GALNT15: variants seen among roughly 807,000 people sequenced by gnomAD.
GALNT15 encodes the protein UDP-GalNAc transferase T15.
In GALNT15, 67 loss-of-function variants were observed where a neutral mutation model predicts 66.8. The ratio of observed to expected loss-of-function variants is 1.00; its 90% CI spans 0.82 to 1.23. GALNT15 has a LOEUF of 1.23. Among genes scored for constraint, GALNT15 ranks in the 50% most tolerant of loss-of-function variants. GALNT15 has a pLI of 0.00. For synonymous variants in GALNT15, 313 were observed against 311.5 expected (o/e 1.00, Z -0.05); for missense variants, 827 against 804.3 (o/e 1.03, Z -0.34).
At chr3:16,205,879 T>G (rs2063751047) in intron 3 of GALNT15, among the ~76,000 whole-genome samples, 1 of 152,106 alleles carries the variant, frequency 6.6e-6, no homozygotes. Context: ...TCATGATTAA[T>G]CACTCTTGTA....
At position 16,200,722 on chromosome 3, in the gene GALNT15, G is replaced by A. The variant is rs7638396; in HGVS notation, c.810G>A (p.Gly270=). ...RLGAIRARML[G]ATRATGDVLV... is the part of the protein sequence containing the mutation. ...GTGCCATCAGGGCCCGGATGCTGGGGGCCACCAGAGCCACCGGGGATGTGC... is the reference window on the plus strand; with the variant it reads ...GTGCCATCAGGGCCCGGATGCTGGGAGCCACCAGAGCCACCGGGGATGTGC... Residue 270 remains glycine, a synonymous_variant, in exon 3 of 10, where the codon GGG becomes GGA. Transcript: ENST00000339732. This position sits in a 1 kb window ranked among gnomAD's most constrained non-coding sequence, Gnocchi z 4.4. 92,269 of 1,611,696 alleles carry A rather than the reference G, an allele frequency of 0.057. 3,535 individuals are homozygous for A. Among genetic ancestry groups the A allele is most frequent in the African/African-American group, 0.19 (14,358 of 74,828 alleles).
chr3:16,216,454 G>A (rs1296085467), intron 6 of GALNT15, among the ~76,000 whole-genome samples: 4 of 149,348 alleles, frequency 2.7e-5, no homozygotes, highest in Admixed American at 6.7e-5. Context: ...AGCTGATATC[G>A]CCCCACTGCA....
intron 6 of GALNT15, among the ~76,000 whole-genome samples, chr3:16,215,916 A>AAACAAAACAAAACAAAAAAAAAC (rs1019009823): frequency 4.2e-5 from 6 of 143,454 alleles, no homozygotes; most frequent in Non-Finnish European, 7.6e-5. Flanking sequence ...CAAAAAAAAA[A>AAACAAAACAAAACAAAAAAAAAC]AAAAAAAAAG....
chr3:16,212,283 G>T (rs984151104), intron 5 of GALNT15, among the ~76,000 whole-genome samples: 2 of 152,050 alleles, frequency 1.3e-5, no homozygotes, highest in Admixed American at 1.3e-4. Flanking sequence ...TCTAAGTGCT[G>T]GACCTGCATG....
At position 16,175,057 on chromosome 3, in the gene GALNT15, C is replaced by A. The variant is rs2063389560; in HGVS notation, c.-95C>A. 4.0e-6 allele frequency: 5 copies of A among 1,263,048 alleles called. No homozygotes were observed. The Admixed American group carries it at 9.2e-5, about 23-fold the overall frequency. 78.2% of individuals were successfully genotyped at this position (1,263,048 alleles called of 1,614,324 possible). ...CTGGCAGAAAAACTTCCAGGTGGAA[C>A]AAGCAACCCAGGTTCTGCTGCAAGC... On this transcript the variant is annotated 5_prime_UTR_variant, in exon 1 of 10. Coordinates refer to ENST00000339732, the MANE Select transcript of GALNT15 (RefSeq NM_054110.5). The surrounding 1 kb of genome is among the most constrained non-coding windows in gnomAD (Gnocchi z 5.6).
chr3:16,198,361 A>G (rs1304917472), intron 2 of GALNT15, among the ~76,000 whole-genome samples: 1 of 140,552 alleles, frequency 7.1e-6, no homozygotes, highest in Non-Finnish European at 1.6e-5. Context: ...GAAAAAAAAA[A>G]TTAGTAAAAT....
chr3:16,233,081 C>T (rs2064099103), downstream of GALNT15, among the ~76,000 whole-genome samples: 1 of 88,628 alleles, frequency 1.1e-5, no homozygotes, highest in Admixed American at 1.2e-4. Context: ...CTATGTCTTA[C>T]AGGATAATGC....
At chr3:16,246,455 A>G in the GALNT15 span, among the ~76,000 whole-genome samples, 7 of 149,886 alleles carry the variant, frequency 4.7e-5, no homozygotes, top group Admixed American at 4.7e-4. Flanking sequence ...CCTCCTGAGT[A>G]GCTGGGACTA....
At chr3:16,210,910 G>A (rs1032346480) in intron 4 of GALNT15, among the ~76,000 whole-genome samples, 2 of 152,188 alleles carry the variant, frequency 1.3e-5, no homozygotes, top group African/African-American at 4.8e-5. Context: ...AGTATAGAAG[G>A]CCCAGGCAAG....
At chr3:16,207,935 A>C (rs1395334541) in intron 3 of GALNT15, among the ~76,000 whole-genome samples, 65 of 152,146 alleles carry the variant, frequency 4.3e-4, no homozygotes, top group Admixed American at 4.3e-3. Context: ...CATTCTACAA[A>C]TGAGGAAACT....
At position 16,188,033 on chromosome 3, in the gene GALNT15, G is replaced by A. The variant is rs555383882; in HGVS notation, c.540-7727G>A. Among the ~76,000 whole-genome samples the A allele has an allele frequency of 4.6e-5, 7 of 152,312 alleles. No individual in the cohort carries two copies. In the East Asian group the frequency reaches 1.2e-3, roughly 25 times the overall value. ...GAGAGAAGGGAGAGACTTGTCCAAG[G>A]CCCCTTATCTCCATTCCCTCAAGGG... On this transcript the variant is annotated intron_variant, in intron 1 of 9. Transcript: ENST00000339732. This position sits in a 1 kb window ranked among gnomAD's most constrained non-coding sequence, Gnocchi z 4.6.
Position 16,211,652 on chromosome 3 carries a change from C to T in GALNT15, c.1197+411C>T, listed in dbSNP as rs1036218704. Among the ~76,000 whole-genome samples, 1 of 152,334 alleles carries T rather than the reference C, an allele frequency of 6.6e-6. No individual in the cohort carries two copies. Among genetic ancestry groups the T allele is most frequent in the Admixed American group, 6.5e-5 (1 of 15,312 alleles). On this transcript the variant is annotated intron_variant, in intron 5 of 9. Transcript: ENST00000339732. The surrounding 1 kb of genome is among the most constrained non-coding windows in gnomAD (Gnocchi z 4.3). ...AACAATGTAATACTTGTCATAAAAA[C>T]TTAGCACCTGTTGGGCACCACACAA...
chr3:16,198,055 C>T (rs1364836647), intron 2 of GALNT15, among the ~76,000 whole-genome samples: 1 of 142,808 alleles, frequency 7.0e-6, no homozygotes, highest in Non-Finnish European at 1.6e-5. Context: ...CAGTGAAGGA[C>T]TATATTTGGC....
At chr3:16,233,092 A>ATTTTTTT (rs771943641), downstream of GALNT15, among the ~76,000 whole-genome samples, 4 of 48,072 alleles carry the variant, frequency 8.3e-5, no homozygotes, top group Non-Finnish European at 1.3e-4. Context: ...AGGATAATGC[A>ATTTTTTT]TCTTTTTTTT....
rs1282871192 is a variant in GALNT15, at chr3:16,186,314, A to T, written c.540-9446A>T. On this transcript the variant is annotated intron_variant, in intron 1 of 9. Coordinates refer to ENST00000339732, the MANE Select transcript of GALNT15 (RefSeq NM_054110.5). The surrounding 1 kb of genome is among the most constrained non-coding windows in gnomAD (Gnocchi z 5.1). ...CAAGTGCTGACAAGGATGTGGAGAA[A>T]TTGGAACCCTCACACATTGCTGGTG... Among the ~76,000 whole-genome samples, 2 of 152,228 alleles carry T rather than the reference A, an allele frequency of 1.3e-5. No individual in the cohort carries two copies. Among genetic ancestry groups the T allele is most frequent in the Non-Finnish European group, 2.9e-5 (2 of 68,036 alleles).
At chr3:16,232,645 A>G (rs1359148690), downstream of GALNT15, among the ~76,000 whole-genome samples, 3 of 150,452 alleles carry the variant, frequency 2.0e-5, no homozygotes, top group Non-Finnish European at 4.4e-5. Flanking sequence ...ACAAATATAA[A>G]AAGAGCAGAG....
chr3:16,245,560 C>A, the GALNT15 span, among the ~76,000 whole-genome samples: 1 of 152,226 alleles, frequency 6.6e-6, no homozygotes. Context: ...TTGGCTGGGT[C>A]CTTTCTAGCA....
chr3:16,223,960 C>T (rs1026632882), intron 9 of GALNT15, among the ~76,000 whole-genome samples: 4 of 152,018 alleles, frequency 2.6e-5, no homozygotes, highest in Admixed American at 1.3e-4. Context: ...CACAAATTGC[C>T]GGGATTACAG....
At chr3:16,214,572 A>G (rs938758839) in intron 6 of GALNT15, among the ~76,000 whole-genome samples, 1 of 152,152 alleles carries the variant, frequency 6.6e-6, no homozygotes, top group Admixed American at 6.5e-5. Flanking sequence ...AGGTCAACCA[A>G]GCACCTGCTC....
Sources: gnomAD v4.1 joint callset for allele counts (sites outside exome capture counted in the v4.1 genomes callset) on GRCh38, gnomAD v4.1.1 for gene constraint, Gnocchi (gnomAD v3.1) non-coding constraint, MANE v1.5 for transcripts, NCBI Gene and HGNC (gene_info 2026-07-23, HGNC 2026-07-21) for gene names.